The following ARL3 variants were observed in gnomAD, a reference collection of about 807,000 sequenced individuals.
The protein encoded by ARL3 is ADP-ribosylation factor-like protein 3.
A neutral mutation model predicts 26.0 loss-of-function variants in ARL3; 9 were observed. The ratio of observed to expected loss-of-function variants is 0.35; its 90% CI spans 0.21 to 0.60. The LOEUF is 0.60. Among genes scored for constraint, ARL3 ranks in the 20% least tolerant of loss-of-function variants. The pLI is 0.78. For missense variants in ARL3, 158 were observed against 215.7 expected (o/e 0.73, Z 1.67); for synonymous variants, 71 against 78.4 (o/e 0.91, Z 0.50).
intron 3 of ARL3, among the ~76,000 whole-genome samples, chr10:102,694,614 C>G (rs935937488): frequency 3.3e-5 from 5 of 152,036 alleles, no homozygotes; most frequent in African/African-American, 1.2e-4. Context: ...CTTGAACTGT[C>G]ATGTTCTTTT....
At chr10:102,693,723 G>A (rs554003311) in intron 3 of ARL3, among the ~76,000 whole-genome samples, 1 of 152,202 alleles carries the variant, frequency 6.6e-6, no homozygotes, top group East Asian at 1.9e-4. Context: ...CACCCAGACT[G>A]GAGTGCAGTA....
At chr10:102,709,790 C>T (rs2252005) in intron 1 of ARL3, among the ~76,000 whole-genome samples, 152,015 of 152,286 alleles carry the variant, frequency 1, 75,872 homozygotes, top group East Asian at 1. Flanking sequence ...CCCAGCACTT[C>T]GGGAGGCTGA....
At chr10:102,683,547 C>T (rs1227351843) in intron 5 of ARL3, among the ~76,000 whole-genome samples, 1 of 152,160 alleles carries the variant, frequency 6.6e-6, no homozygotes, top group Non-Finnish European at 1.5e-5. Flanking sequence ...CTCTTGATAT[C>T]ATTTCCTGTG....
chr10:102,708,733 G>A lies in ARL3; in HGVS notation c.4-3244C>T, dbSNP rs899300824. On this transcript the variant is annotated intron_variant, in intron 1 of 5. Transcript: ENST00000260746. ...TAGCCGGGTATGGTGGCACATGCCT[G>A]TAATCCCAGCTACTTGGGAAGCTGA... Among the ~76,000 whole-genome samples, 7 of 151,810 alleles carry A rather than the reference G, an allele frequency of 4.6e-5. No homozygotes were observed. In the East Asian group the frequency reaches 7.7e-4, roughly 17 times the overall value.
intron 1 of ARL3, among the ~76,000 whole-genome samples, chr10:102,707,732 G>C (rs1203309724): frequency 6.6e-6 from 1 of 152,158 alleles, no homozygotes; most frequent in Non-Finnish European, 1.5e-5. Context: ...TTCTAGTACT[G>C]TATCTGTACT....
At chr10:102,685,396 G>A (rs1424058681) in intron 5 of ARL3, among the ~76,000 whole-genome samples, 1 of 152,154 alleles carries the variant, frequency 6.6e-6, no homozygotes, top group Non-Finnish European at 1.5e-5. Flanking sequence ...CCTAGGGGTA[G>A]GGAAGATAAC....
intron 1 of ARL3, 31 bp downstream of exon 1, chr10:102,714,242 G>C: frequency 1.5e-6 from 2 of 1,313,244 alleles, no homozygotes; most frequent in Non-Finnish European, 2.0e-6. Context: ...TAACCGGCCG[G>C]CTCCAAGGGG....
chr10:102,680,432 T>C (rs556947182), intron 5 of ARL3, among the ~76,000 whole-genome samples: 9 of 152,076 alleles, frequency 5.9e-5, no homozygotes, highest in Non-Finnish European at 1.0e-4. Context: ...AAGAGAGACA[T>C]GGAATTTCAA....
chr10:102,697,180 A>T (rs1252928098), intron 3 of ARL3, among the ~76,000 whole-genome samples: 3 of 145,378 alleles, frequency 2.1e-5, no homozygotes, highest in East Asian at 4.0e-4. Context: ...CTTTATTATA[A>T]TTTTTTTTTT....
chr10:102,689,993 C>A, intron 3 of ARL3, 50 bp from the exon 4 acceptor site: 1 of 1,299,638 alleles, frequency 7.7e-7, no homozygotes, highest in Admixed American at 2.1e-5. Flanking sequence ...ATGGAAAAGA[C>A]AGGGCAATTT....
chr10:102,689,338 A>T (rs760890879), intron 4 of ARL3, among the ~76,000 whole-genome samples: 1 of 152,102 alleles, frequency 6.6e-6, no homozygotes, highest in Non-Finnish European at 1.5e-5. Flanking sequence ...AGGGGGGAAA[A>T]AAAAACTGTT....
At chr10:102,708,908 A>ATATATATTTT in intron 1 of ARL3, among the ~76,000 whole-genome samples, 3,317 of 94,984 alleles carry the variant, frequency 0.035, 110 homozygotes, top group East Asian at 0.083. Context: ...ATATATATAT[A>ATATATATTTT]TTTTTTTTTT....
Position 102,703,104 on chromosome 10 carries a change from C to G in ARL3, c.147+2242G>C, listed in dbSNP as rs140936756. 6.2e-4 allele frequency among the ~76,000 whole-genome samples: 92 copies of G among 149,140 alleles called. 1 individual carries two copies. The highest frequency in any genetic ancestry group is 2.1e-3 in the African/African-American group (85 of 40,742). ...TCTAAGAAACCCACTACAGTTTTTCCAATCAGGTCTTGTCTTTTTTTTTTT... is the reference window on the plus strand; with the variant it reads ...TCTAAGAAACCCACTACAGTTTTTCGAATCAGGTCTTGTCTTTTTTTTTTT... On this transcript the variant is annotated intron_variant, in intron 2 of 5. Coordinates refer to ENST00000260746, the MANE Select transcript of ARL3 (RefSeq NM_004311.4).
Position 102,687,297 on chromosome 10 carries a change from G to A in ARL3, c.316-1296C>T, listed in dbSNP as rs566249584. Among the ~76,000 whole-genome samples, 14 of 151,840 alleles carry A rather than the reference G, an allele frequency of 9.2e-5. No individual in the cohort carries two copies. The East Asian group carries it at 2.7e-3, about 29-fold the overall frequency. ...CATCCAGGCTGGAGTGCAGTGGTGC[G>A]ATCACAGCTTACTGCAGGCTCAACC... On this transcript the variant is annotated intron_variant, in intron 4 of 5. Coordinates refer to ENST00000260746, the MANE Select transcript of ARL3 (RefSeq NM_004311.4).
chr10:102,684,370 C>T (rs1165703238), intron 5 of ARL3, among the ~76,000 whole-genome samples: 4 of 151,910 alleles, frequency 2.6e-5, no homozygotes, highest in African/African-American at 4.8e-5. Flanking sequence ...AGGATGGTCT[C>T]GATCTCCTGA....
Position 102,690,295 on chromosome 10 carries a change from C to CTT in ARL3, c.265-354_265-353dup, listed in dbSNP as rs34924011. On this transcript the variant is annotated intron_variant, in intron 3 of 5. Coordinates refer to ENST00000260746, the MANE Select transcript of ARL3 (RefSeq NM_004311.4). ...CTACAATATAGATTTCACTATTTTC[C>CTT]TTTTTTTTTTTTTTTTTTTGAGACA... Among the ~76,000 whole-genome samples the CTT allele has an allele frequency of 3.0e-3, 373 of 123,688 alleles. 2 individuals carry two copies. Among genetic ancestry groups the CTT allele is most frequent in the Non-Finnish European group, 4.7e-3 (279 of 59,024 alleles). 81.1% of individuals were successfully genotyped at this position (123,688 alleles called of 152,430 possible).
chr10:102,697,492 TA>T (rs1189809765), intron 3 of ARL3, among the ~76,000 whole-genome samples: 1 of 152,222 alleles, frequency 6.6e-6, no homozygotes, highest in Non-Finnish European at 1.5e-5. Flanking sequence ...ATTATAATCT[TA>T]AGGGACCACT....
chr10:102,681,717 T>C (rs2064157002), intron 5 of ARL3, among the ~76,000 whole-genome samples: 1 of 152,122 alleles, frequency 6.6e-6, no homozygotes, highest in South Asian at 2.1e-4. Context: ...CTTAAGGTTA[T>C]GGGAGGAGGC....
intron 1 of ARL3, among the ~76,000 whole-genome samples, chr10:102,713,241 T>C (rs2064357731): frequency 6.6e-6 from 1 of 152,202 alleles, no homozygotes; most frequent in Non-Finnish European, 1.5e-5. Context: ...CAATTTTTCT[T>C]TGATAGCTCT....
Sources: allele counts gnomAD v4.1 joint callset (sites outside exome capture counted in the v4.1 genomes callset), GRCh38; gene constraint gnomAD v4.1.1; transcripts MANE v1.5; gene names NCBI Gene and HGNC (gene_info 2026-07-23, HGNC 2026-07-21).